TMEM232: variants seen among roughly 807,000 people sequenced by gnomAD.
The protein encoded by TMEM232 is transmembrane protein 232.
In TMEM232, 80 loss-of-function variants were observed where a neutral mutation model predicts 78.8. The observed-to-expected ratio is 1.01, with a 90% CI of 0.85 to 1.22. TMEM232 has a LOEUF of 1.22. Ranked by LOEUF, TMEM232 falls within the 50% of genes most tolerant of loss-of-function variation. TMEM232 has a pLI of 0.00. For missense variants in TMEM232, 881 were observed against 742.2 expected, an observed-to-expected ratio of 1.19 and a Z score of -2.17; for synonymous variants, 297 against 254.3, an observed-to-expected ratio of 1.17 and a Z score of -1.60.
In TMEM232 at chr5:110,524,439, AGAAAG is replaced by A. The variant is rs1457782426; in HGVS notation, c.1703+4144_1703+4148del. Among the ~76,000 whole-genome samples, 200 of 148,784 alleles carry A rather than the reference AGAAAG, an allele frequency of 1.3e-3. 1 individual carries two copies. The highest frequency in any genetic ancestry group is 0.011 in the Admixed American group (158 of 14,792). On this transcript the variant is annotated intron_variant, in intron 12 of 13. Coordinates refer to ENST00000455884, the MANE Select transcript of TMEM232 (RefSeq NM_001039763.4). ...AGAAAAGAAAAGAAAAGAAAAGAAA[AGAAAG>A]GAAAGAAAGAAAGAAAAAGAAAGAA... is the stretch of plus-strand genomic sequence containing the variant.
chr5:110,491,279 C>G (rs536139713), intron 12 of TMEM232, among the ~76,000 whole-genome samples: 1 of 152,170 alleles, frequency 6.6e-6, no homozygotes, highest in East Asian at 1.9e-4. Context: ...ATATACCTTT[C>G]ACATTCTTTT....
At chr5:110,540,234 A>C (rs545901147) in intron 11 of TMEM232, among the ~76,000 whole-genome samples, 3 of 152,300 alleles carry the variant, frequency 2.0e-5, no homozygotes, top group African/African-American at 7.2e-5. Context: ...TTTTCAAAAA[A>C]GCTGGATGGA....
chr5:110,595,752 AC>A (rs1008586143), intron 10 of TMEM232, among the ~76,000 whole-genome samples: 9 of 151,982 alleles, frequency 5.9e-5, no homozygotes, highest in Admixed American at 1.3e-4. Context: ...AATGAACAAA[AC>A]CCCCAAGAGA....
intron 3 of TMEM232, among the ~76,000 whole-genome samples, chr5:110,395,979 A>T (rs964425579): frequency 6.6e-6 from 1 of 152,182 alleles, no homozygotes; most frequent in Non-Finnish European, 1.5e-5. Flanking sequence ...AAGGAGCCTC[A>T]TACAAGCACT....
chr5:110,498,408 G>C (rs1325260922), intron 12 of TMEM232, among the ~76,000 whole-genome samples: 1 of 152,070 alleles, frequency 6.6e-6, no homozygotes, highest in Non-Finnish European at 1.5e-5. Context: ...ATCTTCCTCA[G>C]CTATTTTCAC....
At chr5:110,646,976 T>G (rs1370803087) in intron 2 of TMEM232, among the ~76,000 whole-genome samples, 1 of 151,766 alleles carries the variant, frequency 6.6e-6, no homozygotes, top group African/African-American at 2.4e-5. Context: ...TTCAACTATT[T>G]TAAATTATCA....
chr5:110,465,460 A>G (rs951108950), intron 12 of TMEM232, among the ~76,000 whole-genome samples: 3 of 152,202 alleles, frequency 2.0e-5, no homozygotes, highest in Non-Finnish European at 4.4e-5. Flanking sequence ...TAGTTGGGTC[A>G]GGTTTCATTA....
At chr5:110,389,489 A>G (rs1210200520) in intron 4 of TMEM232, among the ~76,000 whole-genome samples, 3 of 152,180 alleles carry the variant, frequency 2.0e-5, no homozygotes, top group Non-Finnish European at 4.4e-5. Context: ...ATTTGAGAAA[A>G]TTCTCTTTTG....
intron 3 of TMEM232, chr5:110,397,766 C>T (rs1193560807): frequency 6.6e-6 from 1 of 152,512 alleles, no homozygotes; most frequent in Non-Finnish European, 1.5e-5. Context: ...AATTTTTTGG[C>T]TCTTACAGAG....
At chr5:110,425,697 C>G (rs1176060997) in intron 12 of TMEM232, among the ~76,000 whole-genome samples, 1 of 152,058 alleles carries the variant, frequency 6.6e-6, no homozygotes, top group East Asian at 1.9e-4. Flanking sequence ...TCAAATCTTC[C>G]CAATTACCTT....
chr5:110,605,434 A>G, intron 9 of TMEM232, 76 bp from the exon 10 acceptor site: 1 of 1,432,188 alleles, frequency 7.0e-7, no homozygotes, highest in Non-Finnish European at 9.2e-7. Context: ...TACTTATAAT[A>G]ATTGTTAAAA....
intron 11 of TMEM232, among the ~76,000 whole-genome samples, chr5:110,535,380 A>C (rs189962349): frequency 5.3e-4 from 81 of 151,918 alleles, no homozygotes; most frequent in African/African-American, 1.9e-3. Flanking sequence ...TACCTACCCA[A>C]ATCCTATAAA....
chr5:110,416,676 A>T (rs1756226973), downstream of TMEM232, among the ~76,000 whole-genome samples: 1 of 152,248 alleles, frequency 6.6e-6, no homozygotes, highest in Non-Finnish European at 1.5e-5. Flanking sequence ...ACTAGTAGAC[A>T]GTTACAGAGA....
chr5:110,537,498 C>G (rs1772539426), intron 11 of TMEM232, among the ~76,000 whole-genome samples: 1 of 146,328 alleles, frequency 6.8e-6, no homozygotes, highest in African/African-American at 2.8e-5. Flanking sequence ...CCAGAACCAG[C>G]CCCCCAAGGG....
At chr5:110,431,362 T>C (rs1757823470) in intron 12 of TMEM232, among the ~76,000 whole-genome samples, 1 of 151,006 alleles carries the variant, frequency 6.6e-6, no homozygotes, top group Non-Finnish European at 1.5e-5. Flanking sequence ...GCGTTATGTT[T>C]GAATCACATG....
intron 2 of TMEM232, among the ~76,000 whole-genome samples, chr5:110,413,683 C>T (rs973283782): frequency 1.3e-5 from 2 of 152,172 alleles, no homozygotes; most frequent in Non-Finnish European, 2.9e-5. Context: ...CCCATTCCAT[C>T]AGGATATGTT....
chr5:110,644,324 T>A lies in TMEM232; in HGVS notation c.126-1953A>T, dbSNP rs140060762. ...TTAATCTTCTCATTTGTATGAAGAGTTTGGAAGTTAAAAAAGCCCCTTCAT... is the reference window on the plus strand; with the variant it reads ...TTAATCTTCTCATTTGTATGAAGAGATTGGAAGTTAAAAAAGCCCCTTCAT... On this transcript the variant is annotated intron_variant, in intron 2 of 13. Transcript: ENST00000455884. Among the ~76,000 whole-genome samples, 957 of 151,910 alleles carry A rather than the reference T, an allele frequency of 6.3e-3. 18 individuals carry two copies. The highest frequency in any genetic ancestry group is 0.021 in the African/African-American group (886 of 41,502).
intron 12 of TMEM232, among the ~76,000 whole-genome samples, chr5:110,489,094 T>C (rs1484572045): frequency 6.6e-6 from 1 of 151,942 alleles, no homozygotes; most frequent in Non-Finnish European, 1.5e-5. Flanking sequence ...AAGTGCAGCA[T>C]AGAATGGCTT....
chr5:110,595,294 A>G (rs1780026888), intron 10 of TMEM232, among the ~76,000 whole-genome samples: 1 of 152,212 alleles, frequency 6.6e-6, no homozygotes, highest in Non-Finnish European at 1.5e-5. Context: ...GATCAAAGGT[A>G]GATAAATTCA....
Sources: gnomAD v4.1 joint callset for allele counts (sites outside exome capture counted in the v4.1 genomes callset) on GRCh38, gnomAD v4.1.1 for gene constraint, MANE v1.5 for transcripts, NCBI Gene and HGNC (gene_info 2026-07-23, HGNC 2026-07-21) for gene names.